GPC5: variants seen among roughly 807,000 people sequenced by gnomAD.
The protein encoded by GPC5 is glypican-5.
GPC5 carries 47 observed loss-of-function variants against 53.9 expected under a neutral mutation model. The ratio of observed to expected loss-of-function variants is 0.87; its 90% confidence interval spans 0.69 to 1.11. The LOEUF (loss-of-function observed/expected upper bound fraction) is 1.11, where lower values mean the gene tolerates loss of function less well. GPC5 is among the 50% of genes most tolerant of loss of function. The pLI is 0.00. For missense variants in GPC5, 748 were observed against 713.1 expected (o/e 1.05, Z -0.56); for synonymous variants, 286 against 263.3 (o/e 1.09, Z -0.84).
At chr13:92,399,156 T>G (rs965073934) in intron 7 of GPC5, among the ~76,000 whole-genome samples, 3 of 152,228 alleles carry the variant, frequency 2.0e-5, no homozygotes, top group Non-Finnish European at 2.9e-5. Context: ...TTCACAAACT[T>G]TTATTGATTT....
chr13:91,717,660 G>A (rs1247280073), intron 3 of GPC5, among the ~76,000 whole-genome samples: 1 of 152,000 alleles, frequency 6.6e-6, no homozygotes, highest in Non-Finnish European at 1.5e-5. Flanking sequence ...GGATTCAAGC[G>A]ATTTTCCTGT....
rs370884791 is a variant in GPC5 at position 91,895,128 on chromosome 13, C to T, written c.1281-12809C>T. On this transcript the variant is annotated intron_variant, in intron 5 of 7. Transcript: ENST00000377067. The stretch of plus-strand genomic sequence containing the variant: ...TGAAGACTCAGCAGGGCAGGAAAGG[C>T]GAGCATGGAAGCAGAGCTCTCAAGG... Among the ~76,000 whole-genome samples, 15 of 151,536 alleles carry T rather than the reference C, an allele frequency of 9.9e-5. No homozygotes were observed. In the South Asian group the frequency reaches 1.5e-3, roughly 15 times the overall value.
At position 92,814,660 on chromosome 13, in the gene GPC5, C is replaced by CA. The variant is rs943245807; in HGVS notation, c.1562-51611dup. Among the ~76,000 whole-genome samples the CA allele has an allele frequency of 1.0e-3, 133 of 128,086 alleles. 1 individual carries two copies. The highest frequency in any genetic ancestry group is 2.3e-3 in the African/African-American group (79 of 34,090). The allele number at this position is 128,086 out of a possible 152,430, so 84.0% of individuals were successfully genotyped here. On this transcript the variant is annotated intron_variant, in intron 7 of 7. Coordinates refer to ENST00000377067, the MANE Select transcript of GPC5 (RefSeq NM_004466.6). The stretch of plus-strand genomic sequence containing the variant: ...AGGGTGACAGAACAAGACTCTGTCT[C>CA]AAAAAAAAAAATAAAAAATAAAAAA...
intron 7 of GPC5, among the ~76,000 whole-genome samples, chr13:92,487,542 C>A (rs766104953): frequency 5.9e-5 from 9 of 152,120 alleles, no homozygotes; most frequent in Non-Finnish European, 1.3e-4. Context: ...TACAAAGAAG[C>A]CTCAATATAT....
chr13:92,296,311 T>A (rs7985663), intron 7 of GPC5, among the ~76,000 whole-genome samples: 68,752 of 151,512 alleles, frequency 0.45, 16,654 homozygotes, highest in African/African-American at 0.64. Context: ...CAACGTTGGG[T>A]GGGGCCCTTA....
chr13:91,972,440 T>C (rs2040252591), intron 6 of GPC5, among the ~76,000 whole-genome samples: 1 of 152,160 alleles, frequency 6.6e-6, no homozygotes, highest in East Asian at 1.9e-4. Flanking sequence ...TCTGTGTCTT[T>C]TAATTGGAGC....
At chr13:91,513,680 G>C (rs1205978688) in intron 2 of GPC5, among the ~76,000 whole-genome samples, 1 of 152,142 alleles carries the variant, frequency 6.6e-6, no homozygotes, top group African/African-American at 2.4e-5. Flanking sequence ...GGTAGAGGTT[G>C]CAGTGAGCTA....
chr13:91,993,518 A>G (rs572372757), intron 6 of GPC5, among the ~76,000 whole-genome samples: 1 of 152,314 alleles, frequency 6.6e-6, no homozygotes, highest in African/African-American at 2.4e-5. Context: ...ATTTCATTCA[A>G]ACTTATCAAA....
chr13:91,582,493 T>C (rs2032402742), intron 2 of GPC5, among the ~76,000 whole-genome samples: 1 of 152,010 alleles, frequency 6.6e-6, no homozygotes, highest in East Asian at 1.9e-4. Context: ...AAACAAAAGA[T>C]AGAGACTCAC....
chr13:92,440,365 T>C (rs998436775), intron 7 of GPC5, among the ~76,000 whole-genome samples: 2 of 152,186 alleles, frequency 1.3e-5, no homozygotes, highest in Non-Finnish European at 2.9e-5. Flanking sequence ...TTGGTTTTTC[T>C]GTTCTTGTGT....
chr13:91,822,260 A>G (rs1240018103), intron 5 of GPC5, among the ~76,000 whole-genome samples: 1 of 152,216 alleles, frequency 6.6e-6, no homozygotes, highest in African/African-American at 2.4e-5. Context: ...CGTTTGTCAG[A>G]AAAAGACAGA....
At chr13:91,997,273 C>T (rs2040512180) in intron 6 of GPC5, among the ~76,000 whole-genome samples, 1 of 152,148 alleles carries the variant, frequency 6.6e-6, no homozygotes, top group African/African-American at 2.4e-5. Context: ...TTATTTTAAA[C>T]ATAATTTTTA....
chr13:91,989,827 T>C (rs925065139), intron 6 of GPC5, among the ~76,000 whole-genome samples: 1 of 134,908 alleles, frequency 7.4e-6, no homozygotes, highest in African/African-American at 2.9e-5. Context: ...TAAAATAAAA[T>C]TTGTATACAT....
chr13:91,715,800 C>CTCTG (rs997034217), intron 3 of GPC5, among the ~76,000 whole-genome samples: 127 of 145,846 alleles, frequency 8.7e-4, no homozygotes, highest in African/African-American at 2.9e-3. Flanking sequence ...CTCTCTCTCT[C>CTCTG]TGTGTGTGTG....
At chr13:92,763,631 T>C (rs1478268947) in intron 7 of GPC5, among the ~76,000 whole-genome samples, 1 of 152,164 alleles carries the variant, frequency 6.6e-6, no homozygotes, top group Non-Finnish European at 1.5e-5. Context: ...GGTCAGGTTC[T>C]CATAAAGAGA....
intron 7 of GPC5, among the ~76,000 whole-genome samples, chr13:92,627,180 A>C (rs1885072681): frequency 6.6e-6 from 1 of 152,230 alleles, no homozygotes; most frequent in Admixed American, 6.5e-5. Flanking sequence ...TCCTTTTAGA[A>C]GAATTATCTT....
At chr13:91,577,381 C>T (rs1395984354) in intron 2 of GPC5, among the ~76,000 whole-genome samples, 3 of 152,120 alleles carry the variant, frequency 2.0e-5, no homozygotes, top group Non-Finnish European at 4.4e-5. Flanking sequence ...ATTGGTCTTT[C>T]CACCACTTTT....
chr13:91,889,001 TTG>T (rs2039356278), intron 5 of GPC5, among the ~76,000 whole-genome samples: 1 of 152,178 alleles, frequency 6.6e-6, no homozygotes, highest in Non-Finnish European at 1.5e-5. Context: ...GAGTTATGAA[TTG>T]CTAGACTGGC....
At chr13:92,577,414 GTA>G (rs1290829997) in intron 7 of GPC5, among the ~76,000 whole-genome samples, 10 of 139,116 alleles carry the variant, frequency 7.2e-5, no homozygotes, top group Admixed American at 2.2e-4. Flanking sequence ...AAGTATGTAT[GTA>G]TATGTGTGTG....
Sources: allele counts gnomAD v4.1 joint callset (sites outside exome capture counted in the v4.1 genomes callset), GRCh38; gene constraint gnomAD v4.1.1; transcripts MANE v1.5; gene names NCBI Gene and HGNC (gene_info 2026-07-23, HGNC 2026-07-21).